Variants in GMDS observed in about 807,000 individuals in gnomAD.
The protein encoded by GMDS is GDP-mannose 4,6-dehydratase, also known as GDP-mannose 4,6 dehydratase.
In GMDS, 20 loss-of-function variants were observed where a neutral mutation model predicts 49.9. That is an observed-to-expected ratio of 0.40 (90% CI 0.28 to 0.58). The LOEUF is 0.58. GMDS is among the 20% of genes least tolerant of loss of function. The pLI is 0.42. For missense variants in GMDS, 362 were observed against 481.4 expected (o/e 0.75, Z 2.32); for synonymous variants, 177 against 178.6 (o/e 0.99, Z 0.07).
At chr6:1,939,074 T>C (rs1762688934) in intron 6 of GMDS, among the ~76,000 whole-genome samples, 1 of 151,342 alleles carries the variant, frequency 6.6e-6, no homozygotes, top group Non-Finnish European at 1.5e-5. Flanking sequence ...CAAACCTGCC[T>C]GGGCATTTTT....
intron 7 of GMDS, among the ~76,000 whole-genome samples, chr6:1,899,384 C>A (rs930675533): frequency 1.3e-5 from 2 of 151,850 alleles, no homozygotes; most frequent in Admixed American, 1.3e-4. Context: ...AAATGTAAGA[C>A]CGTGGTCCCC....
intron 7 of GMDS, among the ~76,000 whole-genome samples, chr6:1,804,393 G>A (rs1282921999): frequency 1.3e-5 from 2 of 152,240 alleles, no homozygotes; most frequent in African/African-American, 2.4e-5. Flanking sequence ...GGCGCACCCC[G>A]GCCATCCCTG....
intron 7 of GMDS, among the ~76,000 whole-genome samples, chr6:1,922,613 G>A (rs1016995191): frequency 3.9e-5 from 6 of 152,056 alleles, no homozygotes; most frequent in African/African-American, 9.7e-5. Flanking sequence ...CCGATAGCCC[G>A]TCCTGTACCC....
chr6:2,122,840 T>C (rs1481840029), intron 2 of GMDS, among the ~76,000 whole-genome samples: 3 of 152,218 alleles, frequency 2.0e-5, no homozygotes, highest in South Asian at 2.1e-4. Flanking sequence ...TGTTTCCTTC[T>C]ATCAGTTCAC....
At chr6:1,625,283 G>T (rs1176575684) in intron 9 of GMDS, 1 of 152,242 alleles carries the variant, frequency 6.6e-6, no homozygotes, top group African/African-American at 2.4e-5. Flanking sequence ...GCAATTCTTA[G>T]GCTTAGCGTC....
At chr6:2,113,363 C>G (rs1774658984) in intron 4 of GMDS, among the ~76,000 whole-genome samples, 1 of 152,044 alleles carries the variant, frequency 6.6e-6, no homozygotes, top group Non-Finnish European at 1.5e-5. Context: ...CCTCTAGACT[C>G]TTACCTCTAG....
intron 9 of GMDS, among the ~76,000 whole-genome samples, chr6:1,708,251 G>T (rs1020704013): frequency 6.6e-6 from 1 of 152,198 alleles, no homozygotes; most frequent in African/African-American, 2.4e-5. Flanking sequence ...GGTAGGGAAG[G>T]AAACAACTCG....
intron 1 of GMDS, among the ~76,000 whole-genome samples, chr6:2,206,057 G>A (rs1779793375): frequency 2.6e-5 from 4 of 152,216 alleles, no homozygotes; most frequent in East Asian, 1.9e-4. Flanking sequence ...TCAGGAGTTC[G>A]AGACCAGCCT....
At chr6:2,092,745 A>C (rs1773390726) in intron 4 of GMDS, among the ~76,000 whole-genome samples, 1 of 152,186 alleles carries the variant, frequency 6.6e-6, no homozygotes, top group Non-Finnish European at 1.5e-5. Flanking sequence ...ATGTACCCTT[A>C]AACAGAACTA....
intron 7 of GMDS, among the ~76,000 whole-genome samples, chr6:1,883,037 A>G (rs1158522650): frequency 6.6e-6 from 1 of 152,128 alleles, no homozygotes; most frequent in Non-Finnish European, 1.5e-5. Context: ...GAAAAGGATT[A>G]CTCTTTTTGC....
At chr6:1,971,103 T>C (rs1935731189) in intron 4 of GMDS, among the ~76,000 whole-genome samples, 2 of 152,046 alleles carry the variant, frequency 1.3e-5, no homozygotes, top group South Asian at 4.2e-4. Context: ...ACCGGCAATG[T>C]TTGGGGAATA....
At chr6:1,783,994 A>G (rs1271686192) in intron 7 of GMDS, among the ~76,000 whole-genome samples, 1 of 152,192 alleles carries the variant, frequency 6.6e-6, no homozygotes, top group Non-Finnish European at 1.5e-5. Flanking sequence ...AAAAACCCCA[A>G]ACCATGAACA....
intron 1 of GMDS, among the ~76,000 whole-genome samples, chr6:2,133,834 C>T (rs1775862484): frequency 6.6e-6 from 1 of 152,076 alleles, no homozygotes; most frequent in Admixed American, 6.5e-5. Flanking sequence ...AAGGATATAT[C>T]AAATTTTGTA....
rs1322089400 is a variant in GMDS, at chr6:2,206,073, A to C, written c.102+39248T>G. The stretch of plus-strand genomic sequence containing the variant: ...CAGGAGTTCGAGACCAGCCTGACCA[A>C]CATGGAGAAATCATGTCTCTACTAA... On this transcript the variant is annotated intron_variant, in intron 1 of 10. Coordinates refer to ENST00000380815, the MANE Select transcript of GMDS (RefSeq NM_001500.4). Among the ~76,000 whole-genome samples, 4 of 152,310 alleles carry C rather than the reference A, an allele frequency of 2.6e-5. No individual in the cohort carries two copies. The East Asian group carries it at 5.8e-4, about 22-fold the overall frequency.
rs1371835288 is a variant in GMDS at position 1,854,209 on chromosome 6, G to GC, written c.771+75893_771+75894insG. 2.0e-5 allele frequency among the ~76,000 whole-genome samples: 3 copies of GC among 152,330 alleles called. No individual in the cohort carries two copies. In the East Asian group the frequency reaches 5.8e-4, roughly 29 times the overall value. On this transcript the variant is annotated intron_variant, in intron 7 of 10. Transcript: ENST00000380815. ...AATGTGCACCAATTTTCCATACACA[G>GC]ATATGTGATAACAGAACTTAGAGAA...
In GMDS at chr6:1,659,247, A is replaced by T. The variant is rs1477510236; in HGVS notation, c.988-34707T>A. ...TTTAAACATCACTGTTGCATGTTTT[A>T]CATATCATAAAATTCACTCGTTTCA... On this transcript the variant is annotated intron_variant, in intron 9 of 10. Coordinates refer to ENST00000380815, the MANE Select transcript of GMDS (RefSeq NM_001500.4). Among the ~76,000 whole-genome samples, 4 of 150,656 alleles carry T rather than the reference A, an allele frequency of 2.7e-5. No homozygotes were observed. In the South Asian group the frequency reaches 8.4e-4, roughly 32 times the overall value.
intron 1 of GMDS, among the ~76,000 whole-genome samples, chr6:2,174,234 G>C (rs546743615): frequency 6.6e-6 from 1 of 152,234 alleles, no homozygotes; most frequent in East Asian, 1.9e-4. Context: ...ACTTCAAAAG[G>C]CTGAGGGGAT....
chr6:1,773,540 G>A (rs146026322), intron 7 of GMDS, among the ~76,000 whole-genome samples: 2 of 152,320 alleles, frequency 1.3e-5, no homozygotes, highest in African/African-American at 4.8e-5. Context: ...CGTGCACATC[G>A]GAGGGAAATC....
At chr6:2,151,562 G>A (rs964210935) in intron 1 of GMDS, among the ~76,000 whole-genome samples, 1 of 151,994 alleles carries the variant, frequency 6.6e-6, no homozygotes, top group South Asian at 2.1e-4. Flanking sequence ...CTGAGATAAT[G>A]TATAAAAGCT....
Sources: gnomAD v4.1 joint callset for allele counts (sites outside exome capture counted in the v4.1 genomes callset) on GRCh38, gnomAD v4.1.1 for gene constraint, MANE v1.5 for transcripts, NCBI Gene and HGNC (gene_info 2026-07-23, HGNC 2026-07-21) for gene names.